Variants in GRIK4 observed in about 807,000 individuals in gnomAD.
GRIK4 encodes the protein glutamate ionotropic receptor kainate type subunit 4.
GRIK4 carries 40 observed loss-of-function variants against 104.9 expected under a neutral mutation model. That is an observed-to-expected ratio of 0.38 (90% CI 0.30 to 0.50). The LOEUF (loss-of-function observed/expected upper bound fraction) is 0.50, where lower values mean the gene tolerates loss of function less well. Ranked by LOEUF, GRIK4 falls within the 20% of genes least tolerant of loss-of-function variation. The pLI is 0.93. For missense variants in GRIK4, 1,047 were observed against 1,308.1 expected (o/e 0.80, Z 3.08); for synonymous variants, 485 against 524.9 (o/e 0.92, Z 1.04).
chr11:120,966,149 A>G (rs1944379494), intron 18 of GRIK4, among the ~76,000 whole-genome samples: 1 of 152,184 alleles, frequency 6.6e-6, no homozygotes, highest in Non-Finnish European at 1.5e-5. Context: ...ACTGAACAGA[A>G]AAAAACCTTC....
At chr11:120,795,916 T>C (rs971696683) in intron 3 of GRIK4, among the ~76,000 whole-genome samples, 1 of 152,206 alleles carries the variant, frequency 6.6e-6, no homozygotes, top group Admixed American at 6.5e-5. Flanking sequence ...CTTTAAATCA[T>C]CTCTAGATTA....
chr11:120,564,157 C>T (rs1179205017), intron 1 of GRIK4, among the ~76,000 whole-genome samples: 1 of 152,122 alleles, frequency 6.6e-6, no homozygotes, highest in Non-Finnish European at 1.5e-5. Flanking sequence ...CAGCCAGCTC[C>T]CTCTCCCCAC....
intron 1 of GRIK4, among the ~76,000 whole-genome samples, chr11:120,515,928 G>A (rs1947719936): frequency 6.6e-6 from 1 of 152,196 alleles, no homozygotes; most frequent in Non-Finnish European, 1.5e-5. Flanking sequence ...CGAGTTAGCT[G>A]TGGGCATCTC....
intron 1 of GRIK4, among the ~76,000 whole-genome samples, chr11:120,633,847 G>A (rs990336228): frequency 2.0e-5 from 3 of 152,094 alleles, no homozygotes; most frequent in Admixed American, 1.3e-4. Flanking sequence ...TGAGATAAGG[G>A]CCCTGCTTGC....
chr11:120,542,753 A>G (rs1286553814), intron 1 of GRIK4, among the ~76,000 whole-genome samples: 3 of 152,270 alleles, frequency 2.0e-5, no homozygotes, highest in Admixed American at 1.3e-4. Context: ...ATGAGATGAC[A>G]TTTCACAAGA....
intron 13 of GRIK4, among the ~76,000 whole-genome samples, chr11:120,913,563 A>G (rs1360478919): frequency 6.6e-6 from 1 of 151,814 alleles, no homozygotes; most frequent in Non-Finnish European, 1.5e-5. Flanking sequence ...GTTCAGAACA[A>G]AGTACCCCGT....
chr11:120,544,265 T>A (rs909804670), intron 1 of GRIK4, among the ~76,000 whole-genome samples: 2 of 152,246 alleles, frequency 1.3e-5, no homozygotes, highest in African/African-American at 2.4e-5. Flanking sequence ...TCAAGTTGTA[T>A]ACATTAAATA....
chr11:120,611,336 G>A (rs1166556810), intron 1 of GRIK4, among the ~76,000 whole-genome samples: 2 of 152,114 alleles, frequency 1.3e-5, no homozygotes, highest in Non-Finnish European at 2.9e-5. Flanking sequence ...CTGTCAAAGA[G>A]GAACAATAAT....
intron 4 of GRIK4, among the ~76,000 whole-genome samples, chr11:120,806,278 G>C (rs539135980): frequency 2.0e-5 from 3 of 152,132 alleles, no homozygotes; most frequent in Non-Finnish European, 4.4e-5. Flanking sequence ...GGCTGTTCTC[G>C]AGTGGCCTGC....
intron 1 of GRIK4, among the ~76,000 whole-genome samples, chr11:120,573,530 G>A (rs1948431529): frequency 6.6e-6 from 1 of 152,152 alleles, no homozygotes; most frequent in Non-Finnish European, 1.5e-5. Context: ...GGTCCTTGGA[G>A]GTCCAGCTCA....
At chr11:120,934,551 CG>C (rs1338046378) in intron 13 of GRIK4, among the ~76,000 whole-genome samples, 1 of 152,140 alleles carries the variant, frequency 6.6e-6, no homozygotes, top group African/African-American at 2.4e-5. Context: ...GGCAGCTGCA[CG>C]GCCCCTATTA....
At chr11:120,866,320 G>T (rs910581674) in intron 9 of GRIK4, among the ~76,000 whole-genome samples, 7 of 152,184 alleles carry the variant, frequency 4.6e-5, no homozygotes, top group African/African-American at 1.4e-4. Flanking sequence ...TTCCTGCAGA[G>T]GTCGGGGAAG....
intron 20 of GRIK4, among the ~76,000 whole-genome samples, chr11:120,985,614 T>A (rs1944727791): frequency 7.4e-6 from 1 of 134,294 alleles, no homozygotes; most frequent in South Asian, 2.6e-4. Context: ...AAGCAGCATT[T>A]AATGGAAATG....
At chr11:120,699,015 A>C (rs1320233623) in intron 3 of GRIK4, among the ~76,000 whole-genome samples, 1 of 152,112 alleles carries the variant, frequency 6.6e-6, no homozygotes, top group East Asian at 1.9e-4. Flanking sequence ...TTCTATCTGG[A>C]TTCAGGGATG....
intron 16 of GRIK4, among the ~76,000 whole-genome samples, chr11:120,959,282 CATGGTGGTCTGCCATGT>C (rs1944235363): frequency 6.6e-6 from 1 of 152,196 alleles, no homozygotes; most frequent in African/African-American, 2.4e-5. Context: ...CCAGCTCGCT[CATGGTGGTCTGCCATGT>C]AGACATGCCC....
chr11:120,922,155 T>C lies in GRIK4; in HGVS notation c.1476+16662T>C, dbSNP rs539292875. 1.2e-4 allele frequency among the ~76,000 whole-genome samples: 19 copies of C among 152,348 alleles called. No homozygotes were observed. The South Asian group carries it at 3.9e-3, about 32-fold the overall frequency. On this transcript the variant is annotated intron_variant, in intron 13 of 20. Transcript: ENST00000527524. Reference sequence around the variant, plus strand: ...TGTGTGCCAGGAACAATACTTGCTTTACAAATGTTCTCCTATTTAATCTTA... The same window carrying C: ...TGTGTGCCAGGAACAATACTTGCTTCACAAATGTTCTCCTATTTAATCTTA...
intron 14 of GRIK4, among the ~76,000 whole-genome samples, chr11:120,946,270 C>T (rs1382857915): frequency 1.3e-5 from 2 of 152,124 alleles, no homozygotes; most frequent in East Asian, 1.9e-4. Flanking sequence ...AAGCACACCC[C>T]GACTATTATA....
intron 1 of GRIK4, among the ~76,000 whole-genome samples, chr11:120,541,881 A>G (rs1948040821): frequency 6.6e-6 from 1 of 152,314 alleles, no homozygotes; most frequent in East Asian, 1.9e-4. Context: ...CAAAATGTCT[A>G]TACTACTCAA....
intron 3 of GRIK4, among the ~76,000 whole-genome samples, chr11:120,802,462 T>C (rs1335524131): frequency 1.3e-5 from 2 of 152,172 alleles, no homozygotes; most frequent in Non-Finnish European, 1.5e-5. Flanking sequence ...TATTACAGGA[T>C]TCCCGAGGCG....
Sources: gnomAD v4.1 joint callset for allele counts (sites outside exome capture counted in the v4.1 genomes callset) on GRCh38, gnomAD v4.1.1 for gene constraint, MANE v1.5 for transcripts, NCBI Gene and HGNC (gene_info 2026-07-23, HGNC 2026-07-21) for gene names.